Variants in BCAS3 observed in about 807,000 individuals in gnomAD.
BCAS3 encodes BCAS4/BCAS3 fusion.
In BCAS3, 53 loss-of-function variants were observed where a neutral mutation model predicts 116.1. The ratio of observed to expected loss-of-function variants is 0.46; its 90% CI spans 0.37 to 0.57. The LOEUF (loss-of-function observed/expected upper bound fraction) is 0.57, where lower values mean the gene tolerates loss of function less well. BCAS3 is among the 20% of genes least tolerant of loss of function. The probability of loss-of-function intolerance (pLI) is 0.00; values close to 1 mark genes in which losing one functional copy is unlikely to be tolerated. For synonymous variants in BCAS3, 391 were observed against 408.2 expected (o/e 0.96, Z 0.51); for missense variants, 917 against 1,165.4 (o/e 0.79, Z 3.10).
intron 6 of BCAS3, among the ~76,000 whole-genome samples, chr17:60,774,525 G>A (rs1456066559): frequency 6.6e-6 from 1 of 152,168 alleles, no homozygotes; most frequent in African/African-American, 2.4e-5. Flanking sequence ...TTTGAATTTT[G>A]TGTTGCTCAG....
At chr17:60,711,070 G>A (rs73334318) in intron 5 of BCAS3, among the ~76,000 whole-genome samples, 15,349 of 151,684 alleles carry the variant, frequency 0.1, 2,358 homozygotes, top group African/African-American at 0.33. Flanking sequence ...CTAAAGTGTG[G>A]GCATTACAGG....
rs541640072 is a variant in BCAS3, at chr17:61,343,393, G to A, written c.2426-24934G>A. 2.0e-5 allele frequency among the ~76,000 whole-genome samples: 3 copies of A among 152,342 alleles called. No individual in the cohort carries two copies. Among genetic ancestry groups the A allele is most frequent in the South Asian group, 4.1e-4 (2 of 4,824 alleles). On this transcript the variant is annotated intron_variant, in intron 22 of 23. Coordinates refer to ENST00000407086, the MANE Select transcript of BCAS3 (RefSeq NM_017679.5). This position sits in a 1 kb window ranked among gnomAD's most constrained non-coding sequence, Gnocchi z 5.5. ...ATGGTCAGGCAGACACACCGACCCA[G>A]GCAGGAGCAGCGATCTGGCCATGGT...
chr17:60,773,749 G>A (rs7210074), intron 6 of BCAS3, among the ~76,000 whole-genome samples: 28,159 of 152,056 alleles, frequency 0.19, 4,057 homozygotes, highest in African/African-American at 0.41. Flanking sequence ...CCAGGGTCAC[G>A]TGATCCTCCT....
intron 13 of BCAS3, among the ~76,000 whole-genome samples, chr17:60,946,168 A>G (rs1362037200): frequency 6.6e-6 from 1 of 152,188 alleles, no homozygotes; most frequent in Non-Finnish European, 1.5e-5. Flanking sequence ...GCAAGTTGAC[A>G]ATGTTACTTC....
In BCAS3 at chr17:61,271,124, CTTTTTTTTTTT is replaced by C. The variant is rs1198682844; in HGVS notation, c.2426-97192_2426-97182del. On this transcript the variant is annotated intron_variant, in intron 22 of 23. Coordinates refer to ENST00000407086, the MANE Select transcript of BCAS3 (RefSeq NM_017679.5). ...GTAAGGGAAGGATCCAACTTTTATT[CTTTTTTTTTTT>C]TTTTTTTTTTGAAATGGAGTCTCGC... 5.6e-5 allele frequency among the ~76,000 whole-genome samples: 6 copies of C among 107,084 alleles called. No individual in the cohort carries two copies. The South Asian group carries it at 9.0e-4, about 16-fold the overall frequency. The allele number at this position is 107,084 out of a possible 152,430, so 70.3% of individuals were successfully genotyped here.
chr17:61,076,743 A>G (rs2072031178), intron 20 of BCAS3, among the ~76,000 whole-genome samples: 1 of 152,182 alleles, frequency 6.6e-6, no homozygotes. Flanking sequence ...GCTCTGTGAC[A>G]CTGATGGTTT....
intron 22 of BCAS3, among the ~76,000 whole-genome samples, chr17:61,297,005 A>G (rs986380705): frequency 6.6e-6 from 1 of 152,208 alleles, no homozygotes; most frequent in Non-Finnish European, 1.5e-5. Flanking sequence ...AAACCCACTT[A>G]GGCTACAGTG....
In BCAS3 at chr17:61,381,827, C is replaced by CT. The variant is rs1176506685; in HGVS notation, c.2594-10149dup. Among the ~76,000 whole-genome samples the CT allele has an allele frequency of 6.6e-6, 1 of 152,106 alleles. No homozygotes were observed. The highest frequency in any genetic ancestry group is 1.9e-4 in the East Asian group (1 of 5,178). On this transcript the variant is annotated intron_variant, in intron 23 of 23. Transcript: ENST00000407086. This position sits in a 1 kb window ranked among gnomAD's most constrained non-coding sequence, Gnocchi z 6.0. ...GTTGCTGTGAGCAGCATGTGGGACT[C>CT]TAACACAGGAGCTGGCCAGGAGTCT...
In BCAS3 at chr17:60,960,025, G is replaced by A. The variant is rs369723094; in HGVS notation, c.1221+12673G>A. Among the ~76,000 whole-genome samples, 5 of 152,214 alleles carry A rather than the reference G, an allele frequency of 3.3e-5. No individual in the cohort carries two copies. The South Asian group carries it at 1.0e-3, about 32-fold the overall frequency. ...TAAGTACCAACCTGGATAACCCAGG[G>A]ATAAGCCCCTTCTCTTAGGATTTAT... On this transcript the variant is annotated intron_variant, in intron 14 of 23. Coordinates refer to ENST00000407086, the MANE Select transcript of BCAS3 (RefSeq NM_017679.5). The surrounding 1 kb of genome is among the most constrained non-coding windows in gnomAD (Gnocchi z 4.1).
chr17:61,187,733 C>T (rs775212146), intron 22 of BCAS3, among the ~76,000 whole-genome samples: 7 of 152,112 alleles, frequency 4.6e-5, no homozygotes, highest in African/African-American at 7.2e-5. Flanking sequence ...CTGAACAGGG[C>T]CACTGGCTGT....
intron 14 of BCAS3, among the ~76,000 whole-genome samples, chr17:60,988,730 C>A (rs1258518008): frequency 1.3e-5 from 2 of 151,722 alleles, no homozygotes; most frequent in Non-Finnish European, 2.9e-5. Context: ...TCTGTAGTAT[C>A]AGTCATAATG....
chr17:61,149,905 T>A (rs1203468195), intron 22 of BCAS3, among the ~76,000 whole-genome samples: 4 of 152,232 alleles, frequency 2.6e-5, no homozygotes, highest in Non-Finnish European at 4.4e-5. Flanking sequence ...ACAGTTGTTT[T>A]CTTTGAAGTC....
intron 13 of BCAS3, among the ~76,000 whole-genome samples, chr17:60,943,983 A>G (rs1252458143): frequency 6.6e-6 from 1 of 152,108 alleles, no homozygotes; most frequent in Non-Finnish European, 1.5e-5. Flanking sequence ...TTAGCTAAGC[A>G]GGCTTAGAGG....
At chr17:60,875,690 T>A (rs1259477189) in intron 9 of BCAS3, among the ~76,000 whole-genome samples, 2 of 152,026 alleles carry the variant, frequency 1.3e-5, no homozygotes, top group African/African-American at 4.8e-5. Context: ...TGTCTTCAAT[T>A]TTCAATAATT....
At chr17:60,828,662 TA>T (rs778668648) in intron 7 of BCAS3, among the ~76,000 whole-genome samples, 39 of 152,366 alleles carry the variant, frequency 2.6e-4, no homozygotes, top group Non-Finnish European at 4.3e-4. Context: ...TATATGATTT[TA>T]AGATGTTTTC....
In BCAS3 at chr17:61,248,534, A is replaced by G. The variant is rs1012168671; in HGVS notation, c.2426-119793A>G. 2.6e-5 allele frequency among the ~76,000 whole-genome samples: 4 copies of G among 152,164 alleles called. No homozygotes were observed. Among genetic ancestry groups the G allele is most frequent in the Non-Finnish European group, 4.4e-5 (3 of 68,018 alleles). On this transcript the variant is annotated intron_variant, in intron 22 of 23. Coordinates refer to ENST00000407086, the MANE Select transcript of BCAS3 (RefSeq NM_017679.5). This position sits in a 1 kb window ranked among gnomAD's most constrained non-coding sequence, Gnocchi z 4.3. ...TGGGCCTTGGGAGGAGGGGTAATAT[A>G]CAAGATTAGAGTGCAAAGTCCATCT... is the stretch of plus-strand genomic sequence containing the variant.
chr17:60,858,138 T>A (rs1350607287), intron 7 of BCAS3, among the ~76,000 whole-genome samples: 1 of 152,170 alleles, frequency 6.6e-6, no homozygotes, highest in Non-Finnish European at 1.5e-5. Context: ...CTGGATTAAT[T>A]TGTAGGGAAC....
At chr17:60,926,910 A>G (rs1171064094) in intron 13 of BCAS3, among the ~76,000 whole-genome samples, 1 of 152,260 alleles carries the variant, frequency 6.6e-6, no homozygotes, top group Non-Finnish European at 1.5e-5. Context: ...GGTTAAAAAT[A>G]GCAATATTTA....
intron 10 of BCAS3, among the ~76,000 whole-genome samples, chr17:60,900,838 A>T (rs1244339864): frequency 6.6e-6 from 1 of 151,958 alleles, no homozygotes; most frequent in Admixed American, 6.6e-5. Flanking sequence ...TTTTCTGATG[A>T]TTCTAAATTT....
Sources: gnomAD v4.1 joint callset for allele counts (sites outside exome capture counted in the v4.1 genomes callset) on GRCh38, gnomAD v4.1.1 for gene constraint, Gnocchi (gnomAD v3.1) non-coding constraint, MANE v1.5 for transcripts, NCBI Gene and HGNC (gene_info 2026-07-23, HGNC 2026-07-21) for gene names.